The following EIF2S1 variants were observed in gnomAD, a reference collection of about 807,000 sequenced individuals.
EIF2S1 encodes the protein eukaryotic translation initiation factor 2 subunit alpha, also known as eukaryotic translation initiation factor 2 subunit 1.
A neutral mutation model predicts 33.5 loss-of-function variants in EIF2S1; 5 were observed. The observed-to-expected ratio is 0.15, with a 90% CI of 0.08 to 0.31. The LOEUF (loss-of-function observed/expected upper bound fraction) is 0.31, where lower values mean the gene tolerates loss of function less well. EIF2S1 is among the 10% of genes least tolerant of loss of function. EIF2S1 has a pLI of 1.00. For missense variants in EIF2S1, 191 were observed against 384.6 expected, an observed-to-expected ratio of 0.50 and a Z score of 4.21; for synonymous variants, 99 against 127.5, an observed-to-expected ratio of 0.78 and a Z score of 1.51.
intron 5 of EIF2S1, 59 bp downstream of exon 5, chr14:67,380,824 A>G: frequency 1.1e-6 from 1 of 885,022 alleles, no homozygotes; most frequent in Non-Finnish European, 1.7e-6. Context: ...AAGCTATTAA[A>G]TAATGAGACT....
At chr14:67,382,612 TTAA>T in intron 7 of EIF2S1, 22 bp downstream of exon 7, 1 of 1,613,420 alleles carries the variant, frequency 6.2e-7, no homozygotes, top group Non-Finnish European at 8.5e-7. Context: ...AGATTCATTT[TTAA>T]TAATGACTCA....
intron 2 of EIF2S1, among the ~76,000 whole-genome samples, chr14:67,367,778 G>T (rs1191981863): frequency 6.6e-6 from 1 of 151,878 alleles, no homozygotes; most frequent in Non-Finnish European, 1.5e-5. Context: ...GGAGGCTGCA[G>T]TGAGCCAAGA....
At chr14:67,374,330 C>T in intron 2 of EIF2S1, 138 bp from the exon 3 acceptor site, 1 of 475,374 alleles carries the variant, frequency 2.1e-6, no homozygotes, top group Non-Finnish European at 3.8e-6. Flanking sequence ...AATACTTATG[C>T]AGTATTTTGT....
chr14:67,380,734 C>G lies in EIF2S1; in HGVS notation c.549C>G (p.Arg183=). 1 of 1,567,530 alleles carries G rather than the reference C, an allele frequency of 6.4e-7. No homozygotes were observed. Among genetic ancestry groups the G allele is most frequent in the South Asian group, 1.2e-5 (1 of 82,190 alleles). ...REVLINNINR[R]LTPQAVKIRA... ...TACTCATTAATAATATTAATAGGCG[C>G]TTGACCCCACAGGCTGTCAAAATTC... Residue 183 remains arginine (R), a synonymous_variant, in exon 5 of 8, where the codon CGC becomes CGG. Coordinates refer to ENST00000256383, the MANE Select transcript of EIF2S1 (RefSeq NM_004094.5).
chr14:67,372,623 G>A (rs1478132972), intron 2 of EIF2S1, among the ~76,000 whole-genome samples: 2 of 152,176 alleles, frequency 1.3e-5, no homozygotes, highest in Non-Finnish European at 1.5e-5. Flanking sequence ...GAGGTCAGGA[G>A]ATTGAGACTA....
chr14:67,382,329 T>G lies in EIF2S1; in HGVS notation c.679-118T>G, dbSNP rs1005577713. ...ACCCTAAATTACTGTCCTGTAGAAT[T>G]GGCAATTACGTTTTGGGGTGATTTG... On this transcript the variant is annotated intron_variant, in intron 6 of 7. Coordinates refer to ENST00000256383, the MANE Select transcript of EIF2S1 (RefSeq NM_004094.5). 6.5e-5 allele frequency: 56 copies of G among 867,992 alleles called. No individual in the cohort carries two copies. In the African/African-American group the frequency reaches 9.7e-4, roughly 15 times the overall value. The allele number at this position is 867,992 out of a possible 1,614,324, so 53.8% of individuals were successfully genotyped here.
At chr14:67,375,105 A>G (rs1272366228) in intron 3 of EIF2S1, among the ~76,000 whole-genome samples, 1 of 152,132 alleles carries the variant, frequency 6.6e-6, no homozygotes, top group Non-Finnish European at 1.5e-5. Flanking sequence ...TATTTTTGCT[A>G]TTACTTCCTG....
chr14:67,363,032 C>T (rs1275726228), intron 1 of EIF2S1, among the ~76,000 whole-genome samples: 1 of 152,192 alleles, frequency 6.6e-6, no homozygotes, highest in Non-Finnish European at 1.5e-5. Context: ...CCCCTAAAAG[C>T]ATCACCTTTA....
At chr14:67,371,608 C>T (rs1475013212) in intron 2 of EIF2S1, among the ~76,000 whole-genome samples, 1 of 152,156 alleles carries the variant, frequency 6.6e-6, no homozygotes, top group Non-Finnish European at 1.5e-5. Flanking sequence ...GGCTACAAAC[C>T]TGTACAGCAT....
chr14:67,383,700 A>T lies in EIF2S1; in HGVS notation c.*260A>T, dbSNP rs2085902685. 5.0e-6 allele frequency: 2 copies of T among 398,908 alleles called. No individual in the cohort carries two copies. The highest frequency in any genetic ancestry group is 7.2e-5 in the Admixed American group (2 of 27,692). 24.7% of individuals were successfully genotyped at this position (398,908 alleles called of 1,614,324 possible). A position where few individuals can be genotyped will look rare whatever the true frequency, so the allele number is the denominator to read the frequency against. On this transcript the variant is annotated 3_prime_UTR_variant, in exon 8 of 8. Transcript: ENST00000256383. ...AGACAAATCTTTAAGAATAGTTCTA[A>T]AATTGGGCTTGTGATTTCCATTTCT...
chr14:67,361,942 G>A (rs1362899555), intron 1 of EIF2S1, among the ~76,000 whole-genome samples: 2 of 149,690 alleles, frequency 1.3e-5, no homozygotes, highest in African/African-American at 4.9e-5. Flanking sequence ...ATAGTACTTT[G>A]TATTGTAATT....
chr14:67,382,299 G>A (rs761344724), intron 6 of EIF2S1, 148 bp from the exon 7 acceptor site: 2 of 595,426 alleles, frequency 3.4e-6, no homozygotes, highest in Non-Finnish European at 5.6e-6. Context: ...TGCCAATTCT[G>A]TAGGACCCTA....
intron 2 of EIF2S1, 108 bp from the exon 3 acceptor site, chr14:67,374,360 A>T: frequency 1.8e-6 from 1 of 561,130 alleles, no homozygotes; most frequent in Non-Finnish European, 3.1e-6. Context: ...TTTAGTAGGA[A>T]ATAATTATAA....
intron 2 of EIF2S1, among the ~76,000 whole-genome samples, chr14:67,368,185 A>G (rs190858274): frequency 9.8e-5 from 15 of 152,334 alleles, no homozygotes; most frequent in African/African-American, 3.4e-4. Context: ...GAGTTTCTGC[A>G]GGAAAAGCAA....
rs774882746 is a variant in EIF2S1 at position 67,383,556 on chromosome 14, C to CT, written c.*117dup. 4.7e-5 allele frequency: 67 copies of CT among 1,426,454 alleles called. No individual in the cohort carries two copies. The African/African-American group carries it at 9.3e-4, about 20-fold the overall frequency. 88.4% of individuals were successfully genotyped at this position (1,426,454 alleles called of 1,614,324 possible). On this transcript the variant is annotated 3_prime_UTR_variant, in exon 8 of 8. Transcript: ENST00000256383. ...CTTCAAAGCTGAATATTTTTTATTTCTAAGTATTTAAATGTTCTAACAGAT... is the reference window on the plus strand; with the variant it reads ...CTTCAAAGCTGAATATTTTTTATTTCTTAAGTATTTAAATGTTCTAACAGAT...
At chr14:67,361,780 G>C (rs1243479093) in intron 1 of EIF2S1, among the ~76,000 whole-genome samples, 1 of 152,206 alleles carries the variant, frequency 6.6e-6, no homozygotes, top group African/African-American at 2.4e-5. Context: ...TGATATTGAG[G>C]TTCTGTGGGT....
At chr14:67,369,517 C>T (rs938177757) in intron 2 of EIF2S1, among the ~76,000 whole-genome samples, 7 of 152,160 alleles carry the variant, frequency 4.6e-5, no homozygotes, top group East Asian at 1.9e-4. Flanking sequence ...AGGCAAAATA[C>T]ACATTATTTT....
chr14:67,371,143 G>A lies in EIF2S1; in HGVS notation c.242-3325G>A, dbSNP rs188434178. Reference sequence around the variant, plus strand: ...AAAGTTAAGGAGGTAGGCCAGGCACGGTGGCTCACACTTATAATTCCAGCA... The same window carrying A: ...AAAGTTAAGGAGGTAGGCCAGGCACAGTGGCTCACACTTATAATTCCAGCA... On this transcript the variant is annotated intron_variant, in intron 2 of 7. Coordinates refer to ENST00000256383, the MANE Select transcript of EIF2S1 (RefSeq NM_004094.5). Among the ~76,000 whole-genome samples the A allele has an allele frequency of 8.3e-4, 126 of 152,118 alleles. 1 individual carries two copies. The highest frequency in any genetic ancestry group is 2.9e-3 in the African/African-American group (119 of 41,492).
In EIF2S1 at chr14:67,384,763, CT is replaced by C. The variant is rs1566619420; in HGVS notation, c.*1325del. On this transcript the variant is annotated 3_prime_UTR_variant, in exon 8 of 8. Transcript: ENST00000256383. ...AGCTTTTGAAATCCAGAAGTTTTAACTTCCAGTGGCTGGTTTCTGAGAGAGT... is the reference window on the plus strand; with the variant it reads ...AGCTTTTGAAATCCAGAAGTTTTAACTCCAGTGGCTGGTTTCTGAGAGAGT... The C allele has an allele frequency of 6.6e-6, 1 of 152,154 alleles. No homozygotes were observed. The highest frequency in any genetic ancestry group is 1.5e-5 in the Non-Finnish European group (1 of 68,026). 9.4% of individuals were successfully genotyped at this position (152,154 alleles called of 1,614,324 possible).
Sources: gnomAD v4.1 joint callset for allele counts (sites outside exome capture counted in the v4.1 genomes callset) on GRCh38, gnomAD v4.1.1 for gene constraint, MANE v1.5 for transcripts, NCBI Gene and HGNC (gene_info 2026-07-23, HGNC 2026-07-21) for gene names.